LRP8: variants seen among roughly 807,000 people sequenced by gnomAD.
LRP8 encodes LDL receptor related protein 8, also known as low-density lipoprotein receptor-related protein 8.
In LRP8, 46 loss-of-function variants were observed where a neutral mutation model predicts 111.6. The ratio of observed to expected loss-of-function variants is 0.41; its 90% CI spans 0.33 to 0.53. The LOEUF (loss-of-function observed/expected upper bound fraction) is 0.53, where lower values mean the gene tolerates loss of function less well. LRP8 is among the 20% of genes least tolerant of loss of function. LRP8 has a pLI of 0.20. For synonymous variants in LRP8, 464 were observed against 511.2 expected (o/e 0.91, Z 1.24); for missense variants, 959 against 1,297.4 (o/e 0.74, Z 4.01).
In LRP8 at chr1:53,245,349, T is replaced by C. The variant is rs1378934069; in HGVS notation, c.*1669A>G. ...TCCCTGGTTGTCTAGTGGGAGTAAG[T>C]GGCAGAACAGCAGAGTTAAGAAACT... On this transcript the variant is annotated 3_prime_UTR_variant, in exon 19 of 19. Transcript: ENST00000306052. 6.6e-6 allele frequency: 1 copy of C among 152,196 alleles called. No individual in the cohort carries two copies. Among genetic ancestry groups the C allele is most frequent in the Non-Finnish European group, 1.5e-5 (1 of 68,038 alleles). 9.4% of individuals were successfully genotyped at this position (152,196 alleles called of 1,614,324 possible).
At chr1:53,312,210 T>C (rs2788030) in intron 2 of LRP8, among the ~76,000 whole-genome samples, 26,519 of 152,166 alleles carry the variant, frequency 0.17, 6,751 homozygotes, top group African/African-American at 0.56. Flanking sequence ...GTCACACAGC[T>C]GGGCTAGAGG....
intron 18 of LRP8, among the ~76,000 whole-genome samples, chr1:53,247,325 C>A (rs1212746765): frequency 6.6e-6 from 1 of 152,116 alleles, no homozygotes; most frequent in African/African-American, 2.4e-5. Flanking sequence ...TAGATTTTTT[C>A]ATCATTCTGT....
At chr1:53,323,758 T>C (rs1168269422) in intron 2 of LRP8, among the ~76,000 whole-genome samples, 2 of 152,272 alleles carry the variant, frequency 1.3e-5, no homozygotes, top group East Asian at 1.9e-4. Context: ...GCTCCAACCC[T>C]GAGGAGCTCT....
rs933102694 is a variant in LRP8 at position 53,282,790 on chromosome 1, G to C, written c.368-2075C>G. On this transcript the variant is annotated intron_variant, in intron 3 of 18. Transcript: ENST00000306052. ...CCCTGGGTTGGTTAACATTCTGCAA[G>C]CATAGAAGACAAGGGATGTTTCATC... Among the ~76,000 whole-genome samples the C allele has an allele frequency of 4.6e-5, 7 of 152,282 alleles. No homozygotes were observed. In the East Asian group the frequency reaches 1.2e-3, roughly 25 times the overall value.
At chr1:53,257,940 AG>A (rs1646164314) in intron 14 of LRP8, 1 of 208,840 alleles carries the variant, frequency 4.8e-6, no homozygotes, top group Non-Finnish European at 9.8e-6. Flanking sequence ...ATATTGCAAA[AG>A]GGCTGCTGTG....
chr1:53,296,955 T>A (rs1649837391), intron 2 of LRP8, among the ~76,000 whole-genome samples: 1 of 152,170 alleles, frequency 6.6e-6, no homozygotes, highest in Non-Finnish European at 1.5e-5. Context: ...GCTGCACGGT[T>A]GGAAGTGGTG....
rs958477813 is a variant in LRP8, at chr1:53,266,510, T to C, written c.1390A>G (p.Ile464Val). 6.2e-7 allele frequency: 1 copy of C among 1,614,192 alleles called. No homozygotes were observed. The highest frequency in any genetic ancestry group is 8.5e-7 in the Non-Finnish European group (1 of 1,180,036). ...CGGTAGGAGAGGTCACACCAGTAGA[T>C]GCGATTGGTGGCAACTTCCACATCT... ...ALDVEVATNR[I>V]YWCDLSYRKI... Residue 464 changes from isoleucine to valine, a missense_variant, in exon 9 of 19, where the codon ATC becomes GTC. By Grantham distance (29) the Ile-to-Val change is conservative. Around this residue, in one of 3 missense-constraint regions of LRP8, gnomAD observed 819 missense variants for 1,097.6 expected, o/e 0.75. Coordinates refer to ENST00000306052, the MANE Select transcript of LRP8 (RefSeq NM_004631.5). This position sits in a 1 kb window ranked among gnomAD's most constrained non-coding sequence, Gnocchi z 5.0.
chr1:53,299,008 G>C (rs931904895), intron 2 of LRP8, among the ~76,000 whole-genome samples: 16 of 152,270 alleles, frequency 1.1e-4, no homozygotes, highest in African/African-American at 3.4e-4. Flanking sequence ...TAAGTGGGAA[G>C]CTCAGGGCTC....
In LRP8 at chr1:53,247,032, C is replaced by T. The variant is rs760738455; in HGVS notation, c.2878G>A (p.Asp960Asn). Residue 960 changes from aspartate to asparagine, a missense_variant, in exon 19 of 19, where the codon GAT (aspartate) becomes AAT (asparagine). By Grantham distance (23) the Asp-to-Asn change is conservative. Coordinates refer to ENST00000306052, the MANE Select transcript of LRP8 (RefSeq NM_004631.5). ...SKRVALSLED[D>N]GLP ...TGATCCCATCCTCAGGGTAGTCCAT[C>T]ATCTTCAAGGCTTAATGCCACTCGC... 6.2e-7 allele frequency: 1 copy of T among 1,604,204 alleles called. No homozygotes were observed. The highest frequency in any genetic ancestry group is 1.7e-5 in the Admixed American group (1 of 57,448).
chr1:53,254,982 C>T, intron 16 of LRP8, 135 bp downstream of exon 16: 1 of 905,402 alleles, frequency 1.1e-6, no homozygotes. Context: ...TAAATCAGGA[C>T]TGGGAGGTGG....
intron 3 of LRP8, among the ~76,000 whole-genome samples, chr1:53,282,054 C>T (rs1040642389): frequency 5.3e-5 from 8 of 152,294 alleles, no homozygotes; most frequent in East Asian, 1.9e-4. Context: ...ACTCATGCTT[C>T]GCCCTCCATT....
Position 53,246,996 on chromosome 1 carries a change from C to T in LRP8, c.*22G>A. 6.2e-7 allele frequency: 1 copy of T among 1,604,346 alleles called. No homozygotes were observed. The highest frequency in any genetic ancestry group is 8.5e-7 in the Non-Finnish European group (1 of 1,175,626). On this transcript the variant is annotated 3_prime_UTR_variant, in exon 19 of 19. Coordinates refer to ENST00000306052, the MANE Select transcript of LRP8 (RefSeq NM_004631.5). ...GTGCATGGGACTGAATTCCATGAGG[C>T]ACGAAGGGGGTGATCCCATCCTCAG...
intron 2 of LRP8, among the ~76,000 whole-genome samples, chr1:53,316,797 G>T (rs1468286023): frequency 2.0e-5 from 3 of 152,242 alleles, no homozygotes; most frequent in Non-Finnish European, 4.4e-5. Context: ...TTTATAACAA[G>T]CAGCCCTCTC....
At chr1:53,310,714 C>T (rs1288483) in intron 2 of LRP8, among the ~76,000 whole-genome samples, 67,677 of 151,670 alleles carry the variant, frequency 0.45, 15,738 homozygotes, top group East Asian at 0.69. Flanking sequence ...GAAAGAACTT[C>T]GTTTCTGAAA....
In LRP8 at chr1:53,290,894, C is replaced by T. The variant is rs1438848215; in HGVS notation, c.245-1205G>A. ...GGGGCCTTGAGCGCTCCACCCCTGA[C>T]ATCCTGCACCCTCTGTAGCAGCCCT... On this transcript the variant is annotated intron_variant, in intron 2 of 18. Coordinates refer to ENST00000306052, the MANE Select transcript of LRP8 (RefSeq NM_004631.5). Among the ~76,000 whole-genome samples, 6 of 152,130 alleles carry T rather than the reference C, an allele frequency of 3.9e-5. No homozygotes were observed. In the South Asian group the frequency reaches 1.0e-3, roughly 26 times the overall value.
intron 2 of LRP8, among the ~76,000 whole-genome samples, chr1:53,319,883 C>G (rs1350215356): frequency 2.0e-5 from 3 of 152,214 alleles, no homozygotes. Context: ...GAAGAGAGGC[C>G]CCAGCACAGC....
intron 8 of LRP8, among the ~76,000 whole-genome samples, chr1:53,269,951 G>A (rs1297161060): frequency 1.3e-5 from 2 of 152,170 alleles, no homozygotes; most frequent in South Asian, 2.1e-4. Flanking sequence ...TGATCAATGT[G>A]TAGGTCTGCC....
In LRP8 at chr1:53,246,783, A is replaced by C; in HGVS notation, c.*235T>G. 2.0e-6 allele frequency: 1 copy of C among 504,266 alleles called. No homozygotes were observed. Among genetic ancestry groups the C allele is most frequent in the Non-Finnish European group, 3.5e-6 (1 of 289,648 alleles). The allele number at this position is 504,266 out of a possible 1,614,324, so 31.2% of individuals were successfully genotyped here. On this transcript the variant is annotated 3_prime_UTR_variant, in exon 19 of 19. Coordinates refer to ENST00000306052, the MANE Select transcript of LRP8 (RefSeq NM_004631.5). Reference sequence around the variant, plus strand: ...CGAATTCCTCATGGGTAGTGCAACCAGTTAAAAAGTGTATAAAACATTATA... The same window carrying C: ...CGAATTCCTCATGGGTAGTGCAACCCGTTAAAAAGTGTATAAAACATTATA...
At chr1:53,252,019 G>A (rs1645912653) in intron 16 of LRP8, among the ~76,000 whole-genome samples, 1 of 146,854 alleles carries the variant, frequency 6.8e-6, no homozygotes, top group African/African-American at 2.6e-5. Flanking sequence ...TCCAGCCTGG[G>A]CAACAGAGTG....
Sources: gnomAD v4.1 joint callset for allele counts (sites outside exome capture counted in the v4.1 genomes callset) on GRCh38, gnomAD v4.1.1 for gene constraint, gnomAD v4.1.1 regional missense constraint, Gnocchi (gnomAD v3.1) non-coding constraint, MANE v1.5 for transcripts, NCBI Gene and HGNC (gene_info 2026-07-23, HGNC 2026-07-21) for gene names.